UNC79: variants seen among roughly 807,000 people sequenced by gnomAD.
UNC79 encodes unc-79 subunit of NALCN channel complex.
Under a neutral mutation model 283.1 loss-of-function variants are expected in UNC79, and 37 were observed. The observed-to-expected ratio is 0.13, with a 90% confidence interval of 0.10 to 0.17. The LOEUF (loss-of-function observed/expected upper bound fraction) is 0.17. Among genes scored for constraint, UNC79 ranks in the 10% least tolerant of loss-of-function variants. The pLI, the probability that UNC79 is intolerant of heterozygous loss-of-function variation, is 1.00. For synonymous variants in UNC79, 1,107 were observed against 1,200.2 expected, an observed-to-expected ratio of 0.92 and a Z score of 1.61; for missense variants, 2,272 against 3,211.1, an observed-to-expected ratio of 0.71 and a Z score of 7.07.
intron 7 of UNC79, among the ~76,000 whole-genome samples, chr14:93,503,397 A>G (rs1305056908): frequency 1.3e-5 from 2 of 152,060 alleles, no homozygotes; most frequent in African/African-American, 2.4e-5. Context: ...ATACTTGCAT[A>G]CATTTCTGTT....
rs1055335701 is a variant in UNC79, at chr14:93,575,959, G to A, written c.2211+761G>A. ...ATTAAAACATGGAACATGATTATGG[G>A]TTTGCATTCAGTGTTTTAAAGAATA... On this transcript the variant is annotated intron_variant, in intron 17 of 48. Coordinates refer to ENST00000555664, the Ensembl canonical transcript of UNC79. 9.2e-5 allele frequency among the ~76,000 whole-genome samples: 14 copies of A among 152,284 alleles called. No individual in the cohort carries two copies. The East Asian group carries it at 2.5e-3, about 27-fold the overall frequency.
chr14:93,523,830 A>T (rs570336322), intron 7 of UNC79, 148 bp from the exon 8 acceptor site: 1 of 840,748 alleles, frequency 1.2e-6, no homozygotes, highest in East Asian at 2.7e-5. Flanking sequence ...TGTCTTTTAA[A>T]TTTTTTATAG....
chr14:93,697,040 A>C (rs913349531), intron 47 of UNC79, among the ~76,000 whole-genome samples: 19 of 152,218 alleles, frequency 1.2e-4, no homozygotes, highest in Admixed American at 1.2e-3. Context: ...TTTCTCCGTC[A>C]AATTGCCTTT....
rs1427493908 is a variant in UNC79 at position 93,695,866 on chromosome 14, G to C, written c.7548+1454G>C. On this transcript the variant is annotated intron_variant, in intron 47 of 48. Coordinates refer to ENST00000555664, the Ensembl canonical transcript of UNC79. ...AGATTTTGCCACTGCAGTCCAGCCT[G>C]GGCAACAGGATGAGACTTTGTCTCA... Among the ~76,000 whole-genome samples the C allele has an allele frequency of 3.7e-5, 4 of 108,286 alleles. No individual in the cohort carries two copies. In the Admixed American group the frequency reaches 4.8e-4, roughly 13 times the overall value. The allele number at this position is 108,286 out of a possible 152,430, so 71.0% of individuals were successfully genotyped here.
At chr14:93,379,287 G>T (rs1424832305) in intron 1 of UNC79, among the ~76,000 whole-genome samples, 1 of 152,064 alleles carries the variant, frequency 6.6e-6, no homozygotes, top group African/African-American at 2.4e-5. Context: ...AAAACAGCTA[G>T]ACTTACAAAC....
chr14:93,496,541 A>C (rs776209085), intron 6 of UNC79, 75 bp downstream of exon 6: 338 of 1,069,050 alleles, frequency 3.2e-4, no homozygotes, highest in Non-Finnish European at 4.2e-4. Context: ...TTTACGTATT[A>C]AAACTGTTGT....
intron 4 of UNC79, among the ~76,000 whole-genome samples, chr14:93,478,591 T>C (rs2140365064): frequency 6.6e-6 from 1 of 152,284 alleles, no homozygotes; most frequent in African/African-American, 2.4e-5. Context: ...TCTGTTTCTT[T>C]CTTATAAAAT....
intron 5 of UNC79, among the ~76,000 whole-genome samples, chr14:93,489,371 T>C (rs1460663779): frequency 6.6e-6 from 1 of 152,226 alleles, no homozygotes; most frequent in Non-Finnish European, 1.5e-5. Context: ...CATTTCAGCA[T>C]GAACTCAAAA....
rs79313157 is a variant in UNC79, at chr14:93,625,552, C to A, written c.5608+2711C>A. Among the ~76,000 whole-genome samples the A allele has an allele frequency of 1.4e-3, 215 of 152,326 alleles. 5 individuals are homozygous for A. In the East Asian group the frequency reaches 0.039, roughly 28 times the overall value. ...GCTGCTCACACCCATGGTCACATTGCAGACCTTATTATTTGCCAATAACTG... is the reference window on the plus strand; with the variant it reads ...GCTGCTCACACCCATGGTCACATTGAAGACCTTATTATTTGCCAATAACTG... On this transcript the variant is annotated intron_variant, in intron 30 of 48. Coordinates refer to ENST00000555664, the Ensembl canonical transcript of UNC79.
At chr14:93,644,027 G>A (rs1415481366) in intron 34 of UNC79, among the ~76,000 whole-genome samples, 1 of 152,198 alleles carries the variant, frequency 6.6e-6, no homozygotes, top group Non-Finnish European at 1.5e-5. Flanking sequence ...CACTTCGTAA[G>A]TATTACCTGT....
rs530957467 is a variant in UNC79 at position 93,564,214 on chromosome 14, A to G, written c.1756-7680A>G. 1.9e-3 allele frequency among the ~76,000 whole-genome samples: 282 copies of G among 152,294 alleles called. 2 individuals carry two copies. The highest frequency in any genetic ancestry group is 6.4e-3 in the African/African-American group (267 of 41,546). ...CTAAAGCTGTCTTCAAGCAACGGAA[A>G]GAGGAGTGGGGAAAGGATTTAGGAT... On this transcript the variant is annotated intron_variant, in intron 14 of 48. Transcript: ENST00000555664.
chr14:93,639,764 C>T (rs75118938), intron 32 of UNC79, among the ~76,000 whole-genome samples: 2,985 of 152,324 alleles, frequency 0.02, 30 homozygotes, highest in Non-Finnish European at 0.03. Flanking sequence ...AAAGGCTCAA[C>T]ACTATTTTTT....
intron 32 of UNC79, 123 bp from the exon 36 acceptor site, chr14:93,641,022 G>A: frequency 1.5e-6 from 1 of 689,520 alleles, no homozygotes; most frequent in Non-Finnish European, 2.4e-6. Context: ...AGTACAGTTG[G>A]GATGTCCAAG....
At chr14:93,537,871 A>T in intron 11 of UNC79, 118 bp from the exon 12 acceptor site, 1 of 936,284 alleles carries the variant, frequency 1.1e-6, no homozygotes, top group Non-Finnish European at 1.6e-6. Flanking sequence ...TTTGGAAACT[A>T]GTGGCCCTTG....
At chr14:93,382,076 T>C (rs1415504588) in intron 1 of UNC79, among the ~76,000 whole-genome samples, 1 of 152,224 alleles carries the variant, frequency 6.6e-6, no homozygotes, top group African/African-American at 2.4e-5. Context: ...ATATTATTAA[T>C]TTCCGAATTC....
exon 39 of UNC79, chr14:93,659,251 A>G (rs765946191): frequency 9.3e-6 from 15 of 1,611,004 alleles, no homozygotes; most frequent in Admixed American, 1.7e-5. Context: ...CCTTCTACCA[A>G]TGCTACAAGG....
At chr14:93,404,692 GAT>G (rs2055191300) in intron 1 of UNC79, among the ~76,000 whole-genome samples, 1 of 150,264 alleles carries the variant, frequency 6.7e-6, no homozygotes, top group Non-Finnish European at 1.5e-5. Context: ...TATAAAATAA[GAT>G]ATGAAATATA....
intron 1 of UNC79, among the ~76,000 whole-genome samples, chr14:93,366,012 G>A (rs2054322998): frequency 6.6e-6 from 1 of 152,124 alleles, no homozygotes; most frequent in Non-Finnish European, 1.5e-5. Context: ...AAAAAAAGAG[G>A]TTGTCTACAA....
intron 12 of UNC79, among the ~76,000 whole-genome samples, chr14:93,538,783 TTTC>T (rs1210925847): frequency 4.7e-5 from 7 of 147,976 alleles, no homozygotes; most frequent in South Asian, 4.5e-4. Flanking sequence ...CTACTGGGTT[TTTC>T]TTCTTCTATC....
Sources: gnomAD v4.1 joint callset for allele counts (sites outside exome capture counted in the v4.1 genomes callset) on GRCh38, gnomAD v4.1.1 for gene constraint, MANE v1.5 for transcripts, NCBI Gene and HGNC (gene_info 2026-07-23, HGNC 2026-07-21) for gene names.